The following CFHR5 variants were observed in gnomAD, a reference collection of about 807,000 sequenced individuals.
CFHR5 encodes complement factor H-related protein 5.
A neutral mutation model predicts 62.9 loss-of-function variants in CFHR5; 73 were observed. The ratio of observed to expected loss-of-function variants is 1.16; its 90% confidence interval spans 0.96 to 1.41. The LOEUF (loss-of-function observed/expected upper bound fraction) is 1.41, where lower values mean the gene tolerates loss of function less well. Among genes scored for constraint, CFHR5 ranks in the 40% most tolerant of loss-of-function variants. The probability of loss-of-function intolerance (pLI) is 0.00; values close to 1 mark genes in which losing one functional copy is unlikely to be tolerated. For synonymous variants in CFHR5, 249 were observed against 227.2 expected (o/e 1.10, Z -0.86); for missense variants, 779 against 679.9 (o/e 1.15, Z -1.62).
intron 7 of CFHR5, among the ~76,000 whole-genome samples, chr1:196,999,102 A>G (rs1455928602): frequency 2.0e-5 from 3 of 151,956 alleles, no homozygotes; most frequent in African/African-American, 7.2e-5. Flanking sequence ...GAAAGAAATC[A>G]TATAAAATAC....
At chr1:196,985,571 G>A (rs540402987) in intron 3 of CFHR5, among the ~76,000 whole-genome samples, 3 of 151,910 alleles carry the variant, frequency 2.0e-5, no homozygotes, top group African/African-American at 7.2e-5. Flanking sequence ...ATAGGCTTCA[G>A]TTATGGTATA....
intron 6 of CFHR5, among the ~76,000 whole-genome samples, chr1:196,997,505 G>A (rs1558288184): frequency 6.6e-6 from 1 of 152,058 alleles, no homozygotes; most frequent in Non-Finnish European, 1.5e-5. Flanking sequence ...ACATGTTTAT[G>A]GGAAACGGGA....
intron 7 of CFHR5, among the ~76,000 whole-genome samples, chr1:196,998,528 C>T (rs1654052929): frequency 1.3e-5 from 2 of 151,812 alleles, no homozygotes; most frequent in South Asian, 2.1e-4. Context: ...TACTCTATTA[C>T]AGTCTCACAA....
intron 5 of CFHR5, 53 bp downstream of exon 5, chr1:196,995,952 A>G: frequency 2.5e-6 from 4 of 1,591,640 alleles, no homozygotes; most frequent in East Asian, 4.5e-5. Context: ...TTGCACTTAT[A>G]TATAAATACA....
intron 9 of CFHR5, among the ~76,000 whole-genome samples, chr1:197,006,884 T>C (rs1222817754): frequency 6.6e-6 from 1 of 151,608 alleles, no homozygotes; most frequent in Non-Finnish European, 1.5e-5. Flanking sequence ...TCACCCAGGC[T>C]GGAGCGCAGT....
intron 7 of CFHR5, among the ~76,000 whole-genome samples, chr1:197,000,663 C>G (rs1175060871): frequency 2.0e-5 from 3 of 152,154 alleles, no homozygotes; most frequent in African/African-American, 7.2e-5. Flanking sequence ...CTAGGAGGCT[C>G]ATAGCAGGTA....
At chr1:197,001,820 C>G (rs573135116) in intron 7 of CFHR5, among the ~76,000 whole-genome samples, 1 of 151,428 alleles carries the variant, frequency 6.6e-6, no homozygotes, top group South Asian at 2.1e-4. Context: ...AGCCACCACT[C>G]TGGAAAAACA....
intron 8 of CFHR5, among the ~76,000 whole-genome samples, chr1:197,002,878 T>G (rs1654190522): frequency 6.6e-6 from 1 of 152,216 alleles, no homozygotes; most frequent in Admixed American, 6.5e-5. Context: ...AATTTCTACA[T>G]CTTCTTAAAA....
At chr1:196,986,248 G>T (rs1190704336) in intron 3 of CFHR5, among the ~76,000 whole-genome samples, 1 of 152,108 alleles carries the variant, frequency 6.6e-6, no homozygotes, top group Non-Finnish European at 1.5e-5. Flanking sequence ...GGTAATCCAT[G>T]TTGCAGGGAT....
chr1:196,988,405 T>C (rs1653753091), intron 3 of CFHR5, among the ~76,000 whole-genome samples: 1 of 152,148 alleles, frequency 6.6e-6, no homozygotes, highest in Non-Finnish European at 1.5e-5. Context: ...TCCAACACTA[T>C]GTTGAATAGG....
At chr1:196,996,305 C>A in intron 6 of CFHR5, 104 bp downstream of exon 6, 1 of 864,190 alleles carries the variant, frequency 1.2e-6, no homozygotes, top group Non-Finnish European at 1.9e-6. Context: ...TTGATACTGA[C>A]TCTTCCTTCC....
rs1346834238 is a variant in CFHR5 at position 196,977,647 on chromosome 1, C to G, written c.-18C>G. ...TCACTGGAGTATTTTTAGTTATATA[C>G]GATTGAGACTACCAAGCATGTTGCT... is the stretch of plus-strand genomic sequence containing the variant. On this transcript the variant is annotated 5_prime_UTR_variant, in exon 1 of 10. Coordinates refer to ENST00000256785, the MANE Select transcript of CFHR5 (RefSeq NM_030787.4). The G allele has an allele frequency of 1.3e-6, 2 of 1,599,796 alleles. No homozygotes were observed. Among genetic ancestry groups the G allele is most frequent in the Middle Eastern group, 1.7e-4 (1 of 6,022 alleles).
At chr1:196,984,267 C>T in intron 3 of CFHR5, 130 bp downstream of exon 3, 2 of 819,112 alleles carry the variant, frequency 2.4e-6, no homozygotes, top group Non-Finnish European at 3.9e-6. Context: ...TTTTCGGTTC[C>T]AATTGTGTCT....
Position 196,998,917 on chromosome 1 carries a change from A to G in CFHR5, c.1147+613A>G, listed in dbSNP as rs180677553. ...ATAAAAGAGAGAAGATAGACTGCAG[A>G]CTTCTCATCAGCAACGTCAAAAGCC... On this transcript the variant is annotated intron_variant, in intron 7 of 9. Transcript: ENST00000256785. 6.2e-4 allele frequency among the ~76,000 whole-genome samples: 94 copies of G among 152,106 alleles called. No individual in the cohort carries two copies. The East Asian group carries it at 0.016, about 26-fold the overall frequency.
chr1:196,991,524 T>C lies in CFHR5; in HGVS notation c.431-2556T>C, dbSNP rs532810578. Among the ~76,000 whole-genome samples, 13 of 152,316 alleles carry C rather than the reference T, an allele frequency of 8.5e-5. No individual in the cohort carries two copies. In the South Asian group the frequency reaches 2.3e-3, roughly 27 times the overall value. ...GGTTTTATCTACCTTTGGTCTTTGATGTTGGTGACCTACAGATGGGGTTTT... is the reference window on the plus strand; with the variant it reads ...GGTTTTATCTACCTTTGGTCTTTGACGTTGGTGACCTACAGATGGGGTTTT... On this transcript the variant is annotated intron_variant, in intron 3 of 9. Coordinates refer to ENST00000256785, the MANE Select transcript of CFHR5 (RefSeq NM_030787.4).
intron 9 of CFHR5, among the ~76,000 whole-genome samples, chr1:197,006,328 A>G (rs1360498559): frequency 6.6e-6 from 1 of 152,160 alleles, no homozygotes; most frequent in African/African-American, 2.4e-5. Flanking sequence ...GATATCTGGA[A>G]AATTCAAGGA....
chr1:197,000,387 A>G (rs1010490707), intron 7 of CFHR5, among the ~76,000 whole-genome samples: 2 of 152,118 alleles, frequency 1.3e-5, no homozygotes, highest in Admixed American at 6.6e-5. Flanking sequence ...CCAGATTTTT[A>G]TATCAGTGCT....
intron 9 of CFHR5, among the ~76,000 whole-genome samples, chr1:197,005,771 T>C (rs1654271094): frequency 6.6e-6 from 1 of 152,024 alleles, no homozygotes; most frequent in Non-Finnish European, 1.5e-5. Flanking sequence ...CAGAAGTTTG[T>C]TATAGTCTTG....
rs190122254 is a variant in CFHR5, at chr1:196,983,963, A to G, written c.256A>G (p.Met86Val). ...ATTAATCAATTTTTGTTCCTTAGGA[A>G]TGTGTTCCTTTCCTTTTGTGAAAAA... is the stretch of plus-strand genomic sequence containing the variant. ...GWSPTPKCLR[M>V]CSFPFVKNGH... Residue 86 changes from methionine (M) to valine (V), a missense_variant and splice_region_variant, in exon 3 of 10, where the codon ATG (methionine) becomes GTG (valine). By Grantham distance (21) the Met-to-Val change is conservative (BLOSUM62 1). Transcript: ENST00000256785. 3.7e-6 allele frequency: 6 copies of G among 1,608,698 alleles called. No homozygotes were observed. The African/African-American group carries it at 8.0e-5, about 21-fold the overall frequency.
Sources: gnomAD v4.1 joint callset for allele counts (sites outside exome capture counted in the v4.1 genomes callset) on GRCh38, gnomAD v4.1.1 for gene constraint, MANE v1.5 for transcripts, NCBI Gene and HGNC (gene_info 2026-07-23, HGNC 2026-07-21) for gene names.